Variants in SPINK5 observed in about 807,000 individuals in gnomAD.
The protein encoded by SPINK5 is serine protease inhibitor Kazal-type 5.
In SPINK5, 125 loss-of-function variants were observed where a neutral mutation model predicts 151.8. That is an observed-to-expected ratio of 0.82 (90% CI 0.71 to 0.96). The LOEUF (loss-of-function observed/expected upper bound fraction) is 0.96. SPINK5 is among the 40% of genes least tolerant of loss of function. The pLI is 0.00. For synonymous variants in SPINK5, 374 were observed against 395.3 expected (o/e 0.95, Z 0.64); for missense variants, 1,194 against 1,291.9 (o/e 0.92, Z 1.16).
chr5:148,115,556 C>A (rs746358372), intron 21 of SPINK5, among the ~76,000 whole-genome samples: 6 of 152,112 alleles, frequency 3.9e-5, no homozygotes, highest in Admixed American at 3.3e-4. Flanking sequence ...GGCTAGAAGG[C>A]GAGTGGATCA....
chr5:148,088,510 A>G (rs1561681559), intron 5 of SPINK5, 32 bp from the exon 6 acceptor site: 1 of 1,600,436 alleles, frequency 6.2e-7, no homozygotes. Context: ...CTGTGATATT[A>G]AACTGCTGTG....
At chr5:148,068,570 A>G (rs1334312037) in intron 2 of SPINK5, among the ~76,000 whole-genome samples, 4 of 139,476 alleles carry the variant, frequency 2.9e-5, no homozygotes, top group Admixed American at 7.0e-5. Context: ...AAAAAAAAAA[A>G]AAAAAAAAAA....
In SPINK5 at chr5:148,089,557, G is replaced by T; in HGVS notation, c.538G>T (p.Asp180Tyr). ...DGRLGCTRENDPVLGPDGKTH... is the reference protein window; with the variant it reads ...DGRLGCTRENYPVLGPDGKTH... ...AAGACTTGGATGCACAAGGGAAAAT[G>T]ATCCTGTTCTTGGTCCTGATGGGAA... The change falls in exon 7 of 33, where the codon GAT (aspartate) becomes TAT (tyrosine). Residue 180 changes from aspartate to tyrosine, a missense_variant. By Grantham distance (160) the Asp-to-Tyr change is radical. Transcript: ENST00000256084. 5 of 1,612,212 alleles carry T rather than the reference G, an allele frequency of 3.1e-6. No homozygotes were observed. The highest frequency in any genetic ancestry group is 4.2e-6 in the Non-Finnish European group (5 of 1,178,816).
intron 30 of SPINK5, among the ~76,000 whole-genome samples, chr5:148,127,731 G>T (rs1202576769): frequency 3.3e-5 from 5 of 152,034 alleles, no homozygotes; most frequent in African/African-American, 1.2e-4. Context: ...GGTGCCTTGT[G>T]CCTGTAGTTC....
intron 3 of SPINK5, among the ~76,000 whole-genome samples, chr5:148,071,475 A>G (rs1752736162): frequency 6.6e-6 from 1 of 152,078 alleles, no homozygotes; most frequent in Non-Finnish European, 1.5e-5. Context: ...GTAAACCAGC[A>G]GGTATATTAT....
chr5:148,109,913 A>C (rs1367264194), intron 18 of SPINK5, among the ~76,000 whole-genome samples: 1 of 152,206 alleles, frequency 6.6e-6, no homozygotes, highest in Non-Finnish European at 1.5e-5. Flanking sequence ...TTCATAGGTC[A>C]CATTTCCTAT....
At chr5:148,114,842 C>T (rs1234775440) in intron 21 of SPINK5, among the ~76,000 whole-genome samples, 1 of 152,130 alleles carries the variant, frequency 6.6e-6, no homozygotes, top group East Asian at 1.9e-4. Context: ...ATGTCAAAGT[C>T]CTTACCTACA....
intron 30 of SPINK5, among the ~76,000 whole-genome samples, chr5:148,130,352 T>G (rs533616706): frequency 8.4e-4 from 128 of 151,996 alleles, no homozygotes; most frequent in Non-Finnish European, 1.1e-3. Flanking sequence ...TATTATATAG[T>G]TGATTCTTTT....
chr5:148,108,124 T>TGGTAATG (rs1753829018), intron 17 of SPINK5, among the ~76,000 whole-genome samples: 1 of 152,182 alleles, frequency 6.6e-6, no homozygotes, highest in South Asian at 2.1e-4. Flanking sequence ...TGACTAAATG[T>TGGTAATG]AGTAAATGCT....
At chr5:148,136,794 T>A (rs1333995127) in intron 32 of SPINK5, among the ~76,000 whole-genome samples, 189 bp from the exon 33 acceptor site, 3 of 152,228 alleles carry the variant, frequency 2.0e-5, no homozygotes, top group Non-Finnish European at 4.4e-5. Flanking sequence ...CAACACGTAG[T>A]ACATACTAGG....
At chr5:148,084,713 G>A (rs1753108348) in intron 4 of SPINK5, among the ~76,000 whole-genome samples, 1 of 151,796 alleles carries the variant, frequency 6.6e-6, no homozygotes, top group South Asian at 2.1e-4. Context: ...TTATGCTTCG[G>A]TCACATTTCC....
intron 21 of SPINK5, among the ~76,000 whole-genome samples, chr5:148,116,001 T>A (rs1211435917): frequency 6.6e-6 from 1 of 152,052 alleles, no homozygotes; most frequent in Non-Finnish European, 1.5e-5. Context: ...CTTGTATTTT[T>A]AGTAGAGACA....
chr5:148,126,074 T>TGTCATTAAA (rs1754423496), intron 29 of SPINK5, among the ~76,000 whole-genome samples: 1 of 152,230 alleles, frequency 6.6e-6, no homozygotes, highest in African/African-American at 2.4e-5. Context: ...ATACTAGCTG[T>TGTCATTAAA]GTCATTAAAC....
At chr5:148,086,822 A>G (rs1359107146) in intron 5 of SPINK5, among the ~76,000 whole-genome samples, 1 of 150,712 alleles carries the variant, frequency 6.6e-6, no homozygotes, top group Non-Finnish European at 1.5e-5. Context: ...ATAAAATGTT[A>G]TAGATTTTAT....
At chr5:148,093,653 T>C (rs1420911995) in intron 8 of SPINK5, among the ~76,000 whole-genome samples, 1 of 151,846 alleles carries the variant, frequency 6.6e-6, no homozygotes, top group Admixed American at 6.6e-5. Flanking sequence ...CTCACAACTT[T>C]TTTTTCTTTT....
chr5:148,130,886 C>G (rs1754554258), intron 30 of SPINK5, among the ~76,000 whole-genome samples: 3 of 152,116 alleles, frequency 2.0e-5, no homozygotes, highest in Admixed American at 2.0e-4. Flanking sequence ...CTGAGTCTTT[C>G]CTTTCTAGGC....
chr5:148,081,327 CAAT>C (rs1382790346), intron 4 of SPINK5, among the ~76,000 whole-genome samples: 1 of 151,628 alleles, frequency 6.6e-6, no homozygotes, highest in Non-Finnish European at 1.5e-5. Flanking sequence ...TTTATAGCAA[CAAT>C]GTTTTTAATA....
chr5:148,099,273 A>C lies in SPINK5; in HGVS notation c.1050A>C (p.Arg350=), dbSNP rs761394297. 3 of 1,612,432 alleles carry C rather than the reference A, an allele frequency of 1.9e-6. No homozygotes were observed. The highest frequency in any genetic ancestry group is 2.2e-5 in the South Asian group (2 of 90,924). Residue 350 remains arginine, a synonymous_variant, in exon 12 of 33, where the codon CGA becomes CGC. Coordinates refer to ENST00000256084, the MANE Select transcript of SPINK5 (RefSeq NM_006846.4). ...ENEEKKKAEA[R]ARNKRESGKA... ...AAGAAAAGAAAAAGGCTGAAGCACG[A>C]GCTAGAAACAAAAGAGAATCTGGAA...
intron 15 of SPINK5, among the ~76,000 whole-genome samples, chr5:148,104,353 C>G (rs1332284644): frequency 6.6e-6 from 1 of 152,146 alleles, no homozygotes. Context: ...AAAGAGTAAT[C>G]ACACATGCAA....
Sources: allele counts gnomAD v4.1 joint callset (sites outside exome capture counted in the v4.1 genomes callset), GRCh38; gene constraint gnomAD v4.1.1; transcripts MANE v1.5; gene names NCBI Gene and HGNC (gene_info 2026-07-23, HGNC 2026-07-21).